DOK6: variants seen among roughly 807,000 people sequenced by gnomAD.
DOK6 encodes the protein docking protein 6, also known as downstream of tyrosine kinase 6.
Under a neutral mutation model 44.0 loss-of-function variants are expected in DOK6, and 22 were observed. The observed-to-expected ratio is 0.50, with a 90% CI of 0.36 to 0.71. The LOEUF (loss-of-function observed/expected upper bound fraction) is 0.71. Among genes scored for constraint, DOK6 ranks in the 30% least tolerant of loss-of-function variants. The probability of loss-of-function intolerance (pLI) is 0.00; values close to 1 mark genes in which losing one functional copy is unlikely to be tolerated. For synonymous variants in DOK6, 166 were observed against 145.5 expected, an observed-to-expected ratio of 1.14 and a Z score of -1.01; for missense variants, 340 against 416.4, an observed-to-expected ratio of 0.82 and a Z score of 1.60.
chr18:69,519,679 T>G (rs1981633958), intron 1 of DOK6, among the ~76,000 whole-genome samples: 1 of 151,974 alleles, frequency 6.6e-6, no homozygotes, highest in African/African-American at 2.4e-5. Context: ...AATGCATTAT[T>G]TTATCAGTTT....
chr18:69,520,327 A>G (rs931510164), intron 1 of DOK6, among the ~76,000 whole-genome samples: 4 of 151,896 alleles, frequency 2.6e-5, no homozygotes, highest in African/African-American at 9.7e-5. Context: ...TAGTAATATA[A>G]GCTAATGTAA....
intron 1 of DOK6, among the ~76,000 whole-genome samples, chr18:69,533,643 TACTTAA>T (rs60175200): frequency 0.2 from 29,787 of 151,892 alleles, 4,190 homozygotes; most frequent in African/African-American, 0.39. Flanking sequence ...AAAACTTATG[TACTTAA>T]ACTTAAGTTA....
At chr18:69,776,945 A>G (rs1324373928) in intron 7 of DOK6, among the ~76,000 whole-genome samples, 1 of 146,044 alleles carries the variant, frequency 6.8e-6, no homozygotes, top group Non-Finnish European at 1.5e-5. Flanking sequence ...TGGGAATTGA[A>G]CAATGAGAAC....
In DOK6 at chr18:69,844,775, G is replaced by A. The variant is rs1982310543; in HGVS notation, c.*3392G>A. The A allele has an allele frequency of 1.3e-5, 2 of 152,110 alleles. No homozygotes were observed. The allele number at this position is 152,110 out of a possible 1,614,324, so 9.4% of individuals were successfully genotyped here. On this transcript the variant is annotated 3_prime_UTR_variant, in exon 8 of 8. Coordinates refer to ENST00000382713, the MANE Select transcript of DOK6 (RefSeq NM_152721.6). ...GTTTGATAGAGCATGTGAAATCAAT[G>A]GAAACATATTTATTAAAAGTAAACC...
In DOK6 at chr18:69,843,694, A is replaced by G. The variant is rs1336715255; in HGVS notation, c.*2311A>G. 6.6e-6 allele frequency: 1 copy of G among 152,244 alleles called. No individual in the cohort carries two copies. Among genetic ancestry groups the G allele is most frequent in the Admixed American group, 6.5e-5 (1 of 15,292 alleles). 9.4% of individuals were successfully genotyped at this position (152,244 alleles called of 1,614,324 possible). On this transcript the variant is annotated 3_prime_UTR_variant, in exon 8 of 8. Coordinates refer to ENST00000382713, the MANE Select transcript of DOK6 (RefSeq NM_152721.6). ...TTGGTTCTGATCATTACCAATGAATATAACTGAAGGAGCACCAAAGATCAG... is the reference window on the plus strand; with the variant it reads ...TTGGTTCTGATCATTACCAATGAATGTAACTGAAGGAGCACCAAAGATCAG...
chr18:69,776,073 CA>C (rs1234566583), intron 7 of DOK6, among the ~76,000 whole-genome samples: 1 of 151,298 alleles, frequency 6.6e-6, no homozygotes, highest in Non-Finnish European at 1.5e-5. Flanking sequence ...GTGATTCAAC[CA>C]AAAAAATTGA....
chr18:69,733,141 C>G (rs1568109321), intron 5 of DOK6, among the ~76,000 whole-genome samples: 1 of 151,822 alleles, frequency 6.6e-6, no homozygotes. Flanking sequence ...CTGCATTGAG[C>G]TATGCCTCTG....
chr18:69,812,004 C>A (rs1981254302), intron 7 of DOK6, among the ~76,000 whole-genome samples: 1 of 151,978 alleles, frequency 6.6e-6, no homozygotes, highest in East Asian at 1.9e-4. Flanking sequence ...AGGCAACAAA[C>A]AAAAACTATG....
intron 1 of DOK6, among the ~76,000 whole-genome samples, chr18:69,426,680 TTG>T (rs1166512520): frequency 5.3e-5 from 8 of 152,200 alleles, no homozygotes; most frequent in Admixed American, 2.6e-4. Context: ...TCAGAAATGA[TTG>T]TGTTAACAAA....
chr18:69,723,305 G>A (rs1427300375), intron 5 of DOK6, among the ~76,000 whole-genome samples: 2 of 152,200 alleles, frequency 1.3e-5, no homozygotes, highest in African/African-American at 4.8e-5. Context: ...GTTGAGAAAT[G>A]ACCTTTACAT....
At chr18:69,826,592 C>T (rs186982485) in intron 7 of DOK6, among the ~76,000 whole-genome samples, 2 of 152,096 alleles carry the variant, frequency 1.3e-5, no homozygotes, top group Non-Finnish European at 2.9e-5. Flanking sequence ...CTTCTTTCTC[C>T]TACAATCTTG....
intron 3 of DOK6, among the ~76,000 whole-genome samples, chr18:69,606,123 T>C (rs1197486043): frequency 6.6e-6 from 1 of 151,642 alleles, no homozygotes; most frequent in Non-Finnish European, 1.5e-5. Flanking sequence ...ATACAAAAAA[T>C]TAGCCGGGCG....
At chr18:69,779,813 G>A (rs1980203076) in intron 7 of DOK6, among the ~76,000 whole-genome samples, 1 of 151,792 alleles carries the variant, frequency 6.6e-6, no homozygotes, top group Admixed American at 6.6e-5. Flanking sequence ...CTTCTTGACA[G>A]AAGATACTAT....
At chr18:69,578,526 A>G (rs979813630) in intron 2 of DOK6, among the ~76,000 whole-genome samples, 2 of 152,234 alleles carry the variant, frequency 1.3e-5, no homozygotes, top group African/African-American at 4.8e-5. Flanking sequence ...AATGTTCGGT[A>G]CTGCAACACT....
At chr18:69,821,013 A>G (rs906588773) in intron 7 of DOK6, among the ~76,000 whole-genome samples, 1 of 152,176 alleles carries the variant, frequency 6.6e-6, no homozygotes. Flanking sequence ...GTTTACCTAT[A>G]TAACAAACCT....
intron 1 of DOK6, among the ~76,000 whole-genome samples, chr18:69,455,066 AAAAG>A (rs1568263532): frequency 9.7e-6 from 1 of 102,768 alleles, no homozygotes; most frequent in African/African-American, 3.6e-5. Context: ...TAATAAAAAA[AAAAG>A]AAAAGAAAAG....
chr18:69,555,879 T>C (rs967135688), intron 1 of DOK6, among the ~76,000 whole-genome samples: 1 of 152,230 alleles, frequency 6.6e-6, no homozygotes, highest in Non-Finnish European at 1.5e-5. Flanking sequence ...GATACTGACA[T>C]TTTAAACAAA....
At chr18:69,677,337 ATATG>A (rs754600893) in intron 3 of DOK6, among the ~76,000 whole-genome samples, 1 of 143,962 alleles carries the variant, frequency 6.9e-6, no homozygotes, top group Non-Finnish European at 1.5e-5. Flanking sequence ...TGAAGTATAT[ATATG>A]TGTCTATATA....
intron 7 of DOK6, among the ~76,000 whole-genome samples, chr18:69,793,079 T>A (rs1980645311): frequency 6.6e-6 from 1 of 152,132 alleles, no homozygotes; most frequent in South Asian, 2.1e-4. Context: ...TGTATTAAAA[T>A]CTCCTAGTTT....
Sources: allele counts gnomAD v4.1 joint callset (sites outside exome capture counted in the v4.1 genomes callset), GRCh38; gene constraint gnomAD v4.1.1; transcripts MANE v1.5; gene names NCBI Gene and HGNC (gene_info 2026-07-23, HGNC 2026-07-21).